USP32: variants seen among roughly 807,000 people sequenced by gnomAD.
The protein encoded by USP32 is ubiquitin carboxyl-terminal hydrolase 32.
Under a neutral mutation model 204.8 loss-of-function variants are expected in USP32, and 59 were observed. The ratio of observed to expected loss-of-function variants is 0.29; its 90% CI spans 0.23 to 0.36. The LOEUF (loss-of-function observed/expected upper bound fraction) is 0.36. USP32 is among the 10% of genes least tolerant of loss of function. The pLI is 1.00. For synonymous variants in USP32, 517 were observed against 678.4 expected (o/e 0.76, Z 3.70); for missense variants, 1,160 against 1,946.4 (o/e 0.60, Z 7.60).
rs550418810 is a variant in USP32 at position 60,259,444 on chromosome 17, G to A, written c.991-4186C>T. 2.0e-5 allele frequency among the ~76,000 whole-genome samples: 3 copies of A among 152,234 alleles called. No individual in the cohort carries two copies. The East Asian group carries it at 5.8e-4, about 29-fold the overall frequency. ...CCAGTATGAGTGAGTGTGGATATAC[G>A]TGTGAGCGCGCCCTTCAGTGGGATG... On this transcript the variant is annotated intron_variant, in intron 9 of 33. Coordinates refer to ENST00000300896, the MANE Select transcript of USP32 (RefSeq NM_032582.4).
At chr17:60,261,355 T>C (rs1200810712) in intron 9 of USP32, among the ~76,000 whole-genome samples, 2 of 152,040 alleles carry the variant, frequency 1.3e-5, no homozygotes, top group Non-Finnish European at 2.9e-5. Context: ...GTTTAAAAAG[T>C]ACAAATGTAG....
intron 1 of USP32, among the ~76,000 whole-genome samples, chr17:60,376,399 G>A (rs968918276): frequency 2.6e-5 from 4 of 151,286 alleles, no homozygotes; most frequent in African/African-American, 7.3e-5. Context: ...ATGTTTCTTC[G>A]ACCTAAGGAA....
chr17:60,395,723 C>T (rs2089896044), upstream of USP32, among the ~76,000 whole-genome samples: 1 of 152,124 alleles, frequency 6.6e-6, no homozygotes, highest in African/African-American at 2.4e-5. Flanking sequence ...AAGGGTTATC[C>T]ATATAAAGAT....
intron 1 of USP32, among the ~76,000 whole-genome samples, chr17:60,347,791 C>G (rs554651188): frequency 1.3e-4 from 19 of 151,700 alleles, no homozygotes; most frequent in Non-Finnish European, 2.6e-4. Context: ...CGAGAAACTT[C>G]AAGGATTATG....
intron 12 of USP32, among the ~76,000 whole-genome samples, chr17:60,234,550 G>A (rs1376638223): frequency 2.6e-5 from 4 of 151,136 alleles, no homozygotes; most frequent in East Asian, 2.0e-4. Context: ...ACACAGTGAA[G>A]CCCCATCTCT....
At chr17:60,315,324 C>T (rs905524404) in intron 2 of USP32, among the ~76,000 whole-genome samples, 2 of 152,132 alleles carry the variant, frequency 1.3e-5, no homozygotes, top group South Asian at 2.1e-4. Context: ...GGCTTGAACC[C>T]GGAAGGCAGA....
intron 2 of USP32, among the ~76,000 whole-genome samples, chr17:60,317,884 C>CT (rs1429126849): frequency 2.0e-5 from 3 of 152,184 alleles, no homozygotes; most frequent in Admixed American, 6.5e-5. Flanking sequence ...ACCTGGGAGG[C>CT]TGAGGCAGGA....
intron 32 of USP32, 133 bp from the exon 33 acceptor site, chr17:60,180,770 T>C: frequency 1.1e-6 from 1 of 911,430 alleles, no homozygotes; most frequent in Non-Finnish European, 1.6e-6. Flanking sequence ...TAGAACCCTC[T>C]AACTTTTTCT....
chr17:60,269,651 AACTG>A lies in USP32; in HGVS notation c.704-98_704-95del, dbSNP rs1477777202. On this transcript the variant is annotated intron_variant, in intron 6 of 33. Transcript: ENST00000300896. The stretch of plus-strand genomic sequence containing the variant: ...AAAGGAGGAATGACTCTTTCCCATA[AACTG>A]ACTGAATTTTTTTTTAAGTTTATTA... 3 of 1,039,212 alleles carry A rather than the reference AACTG, an allele frequency of 2.9e-6. No individual in the cohort carries two copies. The African/African-American group carries it at 5.0e-5, about 17-fold the overall frequency. 64.4% of individuals were successfully genotyped at this position (1,039,212 alleles called of 1,614,324 possible). A position where few individuals can be genotyped will look rare whatever the true frequency, so the allele number is the denominator to read the frequency against.
chr17:60,386,364 TAAAAAA>T (rs72099332), intron 1 of USP32, among the ~76,000 whole-genome samples: 4 of 134,030 alleles, frequency 3.0e-5, no homozygotes, highest in African/African-American at 1.0e-4. Flanking sequence ...GTTCATAAAT[TAAAAAA>T]AAAAAAAAAA....
Position 60,306,976 on chromosome 17 carries a change from G to C in USP32, c.187-5272C>G, listed in dbSNP as rs192975120. ...AAATACCTAGGAATCAGTTTAGCCA[G>C]AGATGTGAAAGATCTATAAAAGGAA... On this transcript the variant is annotated intron_variant, in intron 2 of 33. Transcript: ENST00000300896. 6.6e-5 allele frequency among the ~76,000 whole-genome samples: 10 copies of C among 152,182 alleles called. No homozygotes were observed. In the East Asian group the frequency reaches 1.7e-3, roughly 26 times the overall value.
chr17:60,288,807 T>C lies in USP32; in HGVS notation c.412-125A>G, dbSNP rs914879139. Reference sequence around the variant, plus strand: ...TCTGCTGTCTACAAAGGAAGGATTATCTAATAACACTGCAGGGTGTATATA... The same window carrying C: ...TCTGCTGTCTACAAAGGAAGGATTACCTAATAACACTGCAGGGTGTATATA... On this transcript the variant is annotated intron_variant, in intron 4 of 33. Coordinates refer to ENST00000300896, the MANE Select transcript of USP32 (RefSeq NM_032582.4). 14 of 755,876 alleles carry C rather than the reference T, an allele frequency of 1.9e-5. No homozygotes were observed. The Admixed American group carries it at 3.7e-4, about 20-fold the overall frequency. The allele number at this position is 755,876 out of a possible 1,614,324, so 46.8% of individuals were successfully genotyped here.
intron 11 of USP32, among the ~76,000 whole-genome samples, chr17:60,237,671 T>C (rs1338907897): frequency 1.3e-5 from 2 of 152,218 alleles, no homozygotes; most frequent in African/African-American, 4.8e-5. Flanking sequence ...TTCATGTAAA[T>C]GGGATGATTC....
intron 1 of USP32, among the ~76,000 whole-genome samples, chr17:60,357,814 G>C (rs1304778681): frequency 1.3e-5 from 2 of 152,000 alleles, no homozygotes; most frequent in Non-Finnish European, 2.9e-5. Context: ...TGTTGCCCAG[G>C]CTGGAGTGCA....
chr17:60,392,044 C>CTGGGTGA lies in USP32; in HGVS notation c.-106_-105insTCACCCA. On this transcript the variant is annotated 5_prime_UTR_variant, in exon 1 of 34. Transcript: ENST00000300896. ...GGTGACGGTGACGGTGTCGGCGTCCCCCGCCCCCACCTCCCCCCACACTAA... is the reference window on the plus strand; with the variant it reads ...GGTGACGGTGACGGTGTCGGCGTCCCTGGGTGACCGCCCCCACCTCCCCCCACACTAA... 7.5e-7 allele frequency: 1 copy of CTGGGTGA among 1,330,462 alleles called. No individual in the cohort carries two copies. Among genetic ancestry groups the CTGGGTGA allele is most frequent in the Non-Finnish European group, 1.0e-6 (1 of 972,008 alleles). 82.4% of individuals were successfully genotyped at this position (1,330,462 alleles called of 1,614,324 possible). A position where few individuals can be genotyped will look rare whatever the true frequency, so the allele number is the denominator to read the frequency against.
chr17:60,271,304 G>A (rs1336970825), intron 6 of USP32, 46 bp downstream of exon 6: 3 of 1,601,120 alleles, frequency 1.9e-6, no homozygotes, highest in Non-Finnish European at 2.6e-6. Flanking sequence ...GATGGGCTCA[G>A]GTATGTTTAC....
intron 2 of USP32, chr17:60,316,090 C>A: frequency 4.1e-6 from 1 of 246,860 alleles, no homozygotes; most frequent in Non-Finnish European, 7.9e-6. Context: ...GTTACTGGTG[C>A]TCTGCAGGAG....
At chr17:60,250,023 A>T (rs1030299355) in intron 11 of USP32, among the ~76,000 whole-genome samples, 27 of 152,098 alleles carry the variant, frequency 1.8e-4, no homozygotes, top group Admixed American at 7.9e-4. Flanking sequence ...AACAAATTTT[A>T]AAAAAAACCC....
At chr17:60,273,934 TG>T (rs71145601) in intron 5 of USP32, among the ~76,000 whole-genome samples, 139,756 of 139,764 alleles carry the variant, frequency 1, 69,874 homozygotes, top group Middle Eastern at 1. Flanking sequence ...CACTCCAGCC[TG>T]GGGGCAACAG....
Sources: allele counts gnomAD v4.1 joint callset (sites outside exome capture counted in the v4.1 genomes callset), GRCh38; gene constraint gnomAD v4.1.1; transcripts MANE v1.5; gene names NCBI Gene and HGNC (gene_info 2026-07-23, HGNC 2026-07-21).